KCTD16: variants seen among roughly 807,000 people sequenced by gnomAD.
KCTD16 encodes BTB/POZ domain-containing protein KCTD16.
In KCTD16, 13 loss-of-function variants were observed where a neutral mutation model predicts 33.2. The observed-to-expected ratio is 0.39, with a 90% CI of 0.25 to 0.62. The LOEUF is 0.62. KCTD16 is among the 20% of genes least tolerant of loss of function. The pLI, the probability that KCTD16 is intolerant of heterozygous loss-of-function variation, is 0.50. For missense variants in KCTD16, 441 were observed against 525.1 expected (o/e 0.84, Z 1.57); for synonymous variants, 197 against 195.3 (o/e 1.01, Z -0.07).
intron 3 of KCTD16, among the ~76,000 whole-genome samples, chr5:144,264,940 G>A (rs377588699): frequency 6.6e-6 from 1 of 152,222 alleles, no homozygotes; most frequent in African/African-American, 2.4e-5. Flanking sequence ...ATTTCAATCA[G>A]TTATAATGAG....
chr5:144,401,223 A>T (rs1408781905), intron 3 of KCTD16, among the ~76,000 whole-genome samples: 1 of 152,218 alleles, frequency 6.6e-6, no homozygotes, highest in Non-Finnish European at 1.5e-5. Context: ...AATTACAATT[A>T]ATTAATTAAC....
rs78576816 is a variant in KCTD16 at position 144,373,362 on chromosome 5, A to C, written c.833-100298A>C. Among the ~76,000 whole-genome samples, 260 of 152,308 alleles carry C rather than the reference A, an allele frequency of 1.7e-3. 7 individuals are homozygous for C. The East Asian group carries it at 0.048, about 28-fold the overall frequency. On this transcript the variant is annotated intron_variant, in intron 3 of 3. Coordinates refer to ENST00000512467, the MANE Select transcript of KCTD16 (RefSeq NM_020768.4). ...TGTCAAGTACAGTGATCCTAAGTTA[A>C]TTAAATTAACTCTCTGTGCAGAAAT...
At chr5:144,446,370 T>C (rs186557995) in intron 3 of KCTD16, among the ~76,000 whole-genome samples, 3 of 152,140 alleles carry the variant, frequency 2.0e-5, no homozygotes, top group African/African-American at 4.8e-5. Context: ...AAACTGAAAC[T>C]GGACCCCTTC....
chr5:144,448,678 C>G (rs1265067916), intron 3 of KCTD16, among the ~76,000 whole-genome samples: 1 of 152,036 alleles, frequency 6.6e-6, no homozygotes. Context: ...CTCTAAGGAA[C>G]CTTCCTGTTT....
chr5:144,321,059 TG>T (rs1752060881), intron 3 of KCTD16, among the ~76,000 whole-genome samples: 1 of 152,162 alleles, frequency 6.6e-6, no homozygotes, highest in Non-Finnish European at 1.5e-5. Flanking sequence ...TTCACTATGT[TG>T]GTCAGGCTGG....
chr5:144,200,470 A>G (rs1753022440), intron 2 of KCTD16, among the ~76,000 whole-genome samples: 2 of 152,222 alleles, frequency 1.3e-5, no homozygotes, highest in African/African-American at 4.8e-5. Flanking sequence ...AACAAGAAAG[A>G]TCACTGTTTG....
At chr5:144,361,790 C>A (rs2126916932) in intron 3 of KCTD16, among the ~76,000 whole-genome samples, 1 of 152,160 alleles carries the variant, frequency 6.6e-6, no homozygotes, top group South Asian at 2.1e-4. Context: ...TCATCACAAT[C>A]TGTGGCCTAT....
At chr5:144,405,508 T>C (rs991830581) in intron 3 of KCTD16, among the ~76,000 whole-genome samples, 4 of 152,212 alleles carry the variant, frequency 2.6e-5, no homozygotes, top group African/African-American at 9.6e-5. Context: ...AGTAACTATT[T>C]CTGTAAAATA....
chr5:144,419,831 T>TGGA (rs1753169104), intron 3 of KCTD16, among the ~76,000 whole-genome samples: 1 of 152,168 alleles, frequency 6.6e-6, no homozygotes, highest in African/African-American at 2.4e-5. Context: ...CTGTGGCTAA[T>TGGA]GACTACCCTG....
intron 3 of KCTD16, among the ~76,000 whole-genome samples, chr5:144,435,482 A>G (rs1280227227): frequency 6.6e-6 from 1 of 152,200 alleles, no homozygotes; most frequent in Non-Finnish European, 1.5e-5. Flanking sequence ...TATGTTTTAT[A>G]TTTCAAAATG....
At chr5:144,422,080 T>C (rs991357601) in intron 3 of KCTD16, among the ~76,000 whole-genome samples, 1 of 152,190 alleles carries the variant, frequency 6.6e-6, no homozygotes, top group African/African-American at 2.4e-5. Context: ...GACTCTTAAA[T>C]GTCATCTACA....
chr5:144,273,000 G>A (rs1755342842), intron 3 of KCTD16, among the ~76,000 whole-genome samples: 1 of 152,102 alleles, frequency 6.6e-6, no homozygotes, highest in South Asian at 2.1e-4. Context: ...TTAAAAAATT[G>A]TGCATAAGAA....
At chr5:144,270,975 A>G (rs1755276799) in intron 3 of KCTD16, among the ~76,000 whole-genome samples, 2 of 151,996 alleles carry the variant, frequency 1.3e-5, no homozygotes, top group South Asian at 4.1e-4. Flanking sequence ...ATCATGAAAA[A>G]ATAGAAAATT....
chr5:144,384,140 T>C (rs1461243888), intron 3 of KCTD16: 1 of 152,146 alleles, frequency 6.6e-6, no homozygotes, highest in Non-Finnish European at 1.5e-5. Context: ...TTTAAGATGG[T>C]GAGTTAATAT....
At chr5:144,280,290 C>G (rs1277466551) in intron 3 of KCTD16, among the ~76,000 whole-genome samples, 1 of 152,010 alleles carries the variant, frequency 6.6e-6, no homozygotes, top group East Asian at 1.9e-4. Context: ...ACCAGTATAA[C>G]CATCTGGGCC....
intron 3 of KCTD16, among the ~76,000 whole-genome samples, chr5:144,342,597 C>T (rs1158121084): frequency 1.3e-5 from 2 of 152,138 alleles, no homozygotes; most frequent in African/African-American, 2.4e-5. Flanking sequence ...TTGCCCTGGC[C>T]AGAACTTCCA....
chr5:144,210,703 T>C (rs1753359346), intron 3 of KCTD16, among the ~76,000 whole-genome samples: 1 of 152,104 alleles, frequency 6.6e-6, no homozygotes, highest in Non-Finnish European at 1.5e-5. Context: ...AGGAACCAAA[T>C]GACAGGTGCA....
intron 3 of KCTD16, among the ~76,000 whole-genome samples, chr5:144,464,847 T>C (rs1754284716): frequency 6.6e-6 from 1 of 152,076 alleles, no homozygotes; most frequent in African/African-American, 2.4e-5. Context: ...CAGGTTTCCC[T>C]CTCTGTTGGG....
chr5:144,206,078 G>GA (rs940711170), intron 2 of KCTD16: 39 of 151,748 alleles, frequency 2.6e-4, no homozygotes, highest in African/African-American at 6.5e-4. Context: ...CTGTCCAGCT[G>GA]AAAAAAAAAT....
Sources: allele counts gnomAD v4.1 joint callset (sites outside exome capture counted in the v4.1 genomes callset), GRCh38; gene constraint gnomAD v4.1.1; transcripts MANE v1.5; gene names NCBI Gene and HGNC (gene_info 2026-07-23, HGNC 2026-07-21).